AGAP1: variants seen among roughly 807,000 people sequenced by gnomAD.
AGAP1 encodes the protein arf-GAP with GTPase, ANK repeat and PH domain-containing protein 1.
AGAP1 carries 29 observed loss-of-function variants against 105.3 expected under a neutral mutation model. The observed-to-expected ratio is 0.28, with a 90% CI of 0.21 to 0.38. AGAP1 has a LOEUF of 0.38. Among genes scored for constraint, AGAP1 ranks in the 10% least tolerant of loss-of-function variants. The pLI is 1.00. For missense variants in AGAP1, 998 were observed against 1,165.1 expected (o/e 0.86, Z 2.09); for synonymous variants, 509 against 485.9 (o/e 1.05, Z -0.63).
In AGAP1 at chr2:235,610,932, C is replaced by G. The variant is rs1451995114; in HGVS notation, c.164-98247C>G. ...CTGCCTGTAATCCTTTTCAGCCCCT[C>G]TGAAGAGCGGCCCAGTAGGATGGTT... On this transcript the variant is annotated intron_variant, in intron 1 of 17. Coordinates refer to ENST00000304032, the MANE Select transcript of AGAP1 (RefSeq NM_001037131.3). The surrounding 1 kb of genome is among the most constrained non-coding windows in gnomAD (Gnocchi z 4.9). 2.0e-5 allele frequency among the ~76,000 whole-genome samples: 3 copies of G among 152,136 alleles called. No homozygotes were observed. The highest frequency in any genetic ancestry group is 4.4e-5 in the Non-Finnish European group (3 of 68,040).
At chr2:235,707,426 G>A (rs1950587974) in intron 1 of AGAP1, among the ~76,000 whole-genome samples, 1 of 149,898 alleles carries the variant, frequency 6.7e-6, no homozygotes, top group African/African-American at 2.5e-5. Flanking sequence ...CGCTGTCATT[G>A]CAGGGCCCGT....
chr2:235,942,194 C>T (rs2053291223), intron 12 of AGAP1, among the ~76,000 whole-genome samples: 2 of 152,150 alleles, frequency 1.3e-5, no homozygotes, highest in African/African-American at 4.8e-5. Flanking sequence ...TCATGCCAGG[C>T]TGCGTTAATC....
chr2:235,696,617 A>G (rs1370830475), intron 1 of AGAP1, among the ~76,000 whole-genome samples: 2 of 152,220 alleles, frequency 1.3e-5, no homozygotes, highest in South Asian at 4.1e-4. Context: ...GCTGAGCATT[A>G]CAACCTGATG....
rs897982379 is a variant in AGAP1 at position 235,973,848 on chromosome 2, C to T, written c.1645+5225C>T. Among the ~76,000 whole-genome samples the T allele has an allele frequency of 1.3e-5, 2 of 152,300 alleles. No homozygotes were observed. Among genetic ancestry groups the T allele is most frequent in the African/African-American group, 2.4e-5 (1 of 41,570 alleles). ...TGGGCTCTAGAAGGTGATTGCACCACGGCCCTGGATTCCCAACCAGGTCCA... is the reference window on the plus strand; with the variant it reads ...TGGGCTCTAGAAGGTGATTGCACCATGGCCCTGGATTCCCAACCAGGTCCA... On this transcript the variant is annotated intron_variant, in intron 13 of 17. Coordinates refer to ENST00000304032, the MANE Select transcript of AGAP1 (RefSeq NM_001037131.3). The surrounding 1 kb of genome is among the most constrained non-coding windows in gnomAD (Gnocchi z 4.7).
rs1003735056 is a variant in AGAP1, at chr2:235,906,281, C to T, written c.1156-2457C>T. The stretch of plus-strand genomic sequence containing the variant: ...TGTCTGTCCTTTGCCGGGGAATGCC[C>T]GGCCTTGCCCCTGCCTCTGAATTTG... On this transcript the variant is annotated intron_variant, in intron 10 of 17. Coordinates refer to ENST00000304032, the MANE Select transcript of AGAP1 (RefSeq NM_001037131.3). The surrounding 1 kb of genome is among the most constrained non-coding windows in gnomAD (Gnocchi z 5.3). Among the ~76,000 whole-genome samples, 2 of 152,194 alleles carry T rather than the reference C, an allele frequency of 1.3e-5. No individual in the cohort carries two copies. The highest frequency in any genetic ancestry group is 6.5e-5 in the Admixed American group (1 of 15,290).
At chr2:236,065,680 C>T (rs773023099) in intron 16 of AGAP1, among the ~76,000 whole-genome samples, 2 of 152,162 alleles carry the variant, frequency 1.3e-5, no homozygotes, top group African/African-American at 4.8e-5. Flanking sequence ...CCATTGTTGC[C>T]GGAACACATC....
intron 13 of AGAP1, among the ~76,000 whole-genome samples, chr2:236,019,911 C>G (rs143879721): frequency 6.6e-6 from 1 of 152,356 alleles, no homozygotes; most frequent in East Asian, 1.9e-4. Flanking sequence ...GTGTGGGTCC[C>G]CACTGTGAGA....
intron 13 of AGAP1, among the ~76,000 whole-genome samples, chr2:236,011,015 C>T (rs2056492446): frequency 6.6e-6 from 1 of 152,092 alleles, no homozygotes; most frequent in Non-Finnish European, 1.5e-5. Flanking sequence ...CCACTGCACT[C>T]CAGCCTGGGC....
intron 1 of AGAP1, among the ~76,000 whole-genome samples, chr2:235,697,832 A>G (rs982874421): frequency 6.6e-6 from 1 of 152,200 alleles, no homozygotes; most frequent in Non-Finnish European, 1.5e-5. Context: ...GAAACTCAGC[A>G]TATGAATTGT....
rs1553564114 is a variant in AGAP1 at position 236,078,037 on chromosome 2, T to TGTG, written c.2114+28756_2114+28757insGTG. 2.1e-5 allele frequency among the ~76,000 whole-genome samples: 3 copies of TGTG among 140,414 alleles called. No individual in the cohort carries two copies. The highest frequency in any genetic ancestry group is 4.6e-5 in the Non-Finnish European group (3 of 64,908). The allele number at this position is 140,414 out of a possible 152,430, so 92.1% of individuals were successfully genotyped here. On this transcript the variant is annotated intron_variant, in intron 16 of 17. Transcript: ENST00000304032. The surrounding 1 kb of genome is among the most constrained non-coding windows in gnomAD (Gnocchi z 5.3). ...AGGGTTCTCCAGAGAAACAACCAAT[T>TGTG]TGTGTGTGTGTGTGTGTGTGTGTGT...
intron 16 of AGAP1, among the ~76,000 whole-genome samples, chr2:236,094,290 T>A (rs1223195284): frequency 6.7e-6 from 1 of 149,718 alleles, no homozygotes; most frequent in African/African-American, 2.5e-5. Context: ...CTCTATATCT[T>A]TAAAAAAAAA....
chr2:236,123,787 A>AC lies in AGAP1; in HGVS notation c.2371-128dup. 8.8e-7 allele frequency: 1 copy of AC among 1,132,374 alleles called. No homozygotes were observed. The allele number at this position is 1,132,374 out of a possible 1,614,324, so 70.1% of individuals were successfully genotyped here. A position where few individuals can be genotyped will look rare whatever the true frequency, so the allele number is the denominator to read the frequency against. ...GCCACCAGCACTGGATGGTCCTGGC[A>AC]CCCCAGCCAGTTGTGTAGCTGGCCC... is the stretch of plus-strand genomic sequence containing the variant. On this transcript the variant is annotated intron_variant, in intron 17 of 17. Transcript: ENST00000304032. The surrounding 1 kb of genome is among the most constrained non-coding windows in gnomAD (Gnocchi z 4.6).
intron 1 of AGAP1, among the ~76,000 whole-genome samples, chr2:235,542,458 G>A (rs1461393876): frequency 6.6e-6 from 1 of 152,146 alleles, no homozygotes; most frequent in Non-Finnish European, 1.5e-5. Context: ...TCAACTCCCA[G>A]CCTCCATCAC....
At chr2:235,619,891 A>G (rs192280201) in intron 1 of AGAP1, among the ~76,000 whole-genome samples, 4 of 152,244 alleles carry the variant, frequency 2.6e-5, no homozygotes, top group African/African-American at 9.6e-5. Context: ...CAGAGTGCGC[A>G]GCCAGACTAT....
rs1020952039 is a variant in AGAP1, at chr2:235,659,159, G to A, written c.164-50020G>A. Among the ~76,000 whole-genome samples the A allele has an allele frequency of 1.1e-4, 17 of 152,198 alleles. No homozygotes were observed. The highest frequency in any genetic ancestry group is 2.1e-4 in the Non-Finnish European group (14 of 68,038). On this transcript the variant is annotated intron_variant, in intron 1 of 17. Transcript: ENST00000304032. The surrounding 1 kb of genome is among the most constrained non-coding windows in gnomAD (Gnocchi z 5.0). ...TTCCCACACCCTGCCGAGTTTGTGC[G>A]TTTCTGTGAATCTGATGAGTGGGTT... is the stretch of plus-strand genomic sequence containing the variant.
At chr2:235,775,030 G>A (rs1955755492) in intron 6 of AGAP1, among the ~76,000 whole-genome samples, 1 of 152,154 alleles carries the variant, frequency 6.6e-6, no homozygotes, top group Admixed American at 6.6e-5. Flanking sequence ...TTCTGGGAAA[G>A]TTTGAGAGAA....
chr2:235,579,915 C>A (rs1944872468), intron 1 of AGAP1, among the ~76,000 whole-genome samples: 1 of 152,246 alleles, frequency 6.6e-6, no homozygotes, highest in Non-Finnish European at 1.5e-5. Context: ...CCATTTCCCC[C>A]TCTCCCTAGC....
chr2:236,023,354 T>C (rs989960886), intron 13 of AGAP1, among the ~76,000 whole-genome samples: 8 of 152,288 alleles, frequency 5.3e-5, no homozygotes, highest in Admixed American at 2.0e-4. Flanking sequence ...GGGCTGCTCA[T>C]GGGCACCAGT....
Position 235,960,167 on chromosome 2 carries a change from G to A in AGAP1, c.1484-8295G>A, listed in dbSNP as rs897236916. On this transcript the variant is annotated intron_variant, in intron 12 of 17. Transcript: ENST00000304032. This position sits in a 1 kb window ranked among gnomAD's most constrained non-coding sequence, Gnocchi z 4.9. The stretch of plus-strand genomic sequence containing the variant: ...GAGGACCTCGGCCCTGTAAGCAGCA[G>A]ATCAGAGCGTGGGCTGGTGCTGCTT... Among the ~76,000 whole-genome samples the A allele has an allele frequency of 2.6e-5, 4 of 152,206 alleles. No individual in the cohort carries two copies.
Sources: allele counts gnomAD v4.1 joint callset (sites outside exome capture counted in the v4.1 genomes callset), GRCh38; gene constraint gnomAD v4.1.1; non-coding constraint Gnocchi (gnomAD v3.1); transcripts MANE v1.5; gene names NCBI Gene and HGNC (gene_info 2026-07-23, HGNC 2026-07-21).